The following GUCY2C variants were observed in gnomAD, a reference collection of about 807,000 sequenced individuals.
GUCY2C encodes the protein guanylate cyclase 2C.
In GUCY2C, 118 loss-of-function variants were observed where a neutral mutation model predicts 131.1. That is an observed-to-expected ratio of 0.90 (90% CI 0.78 to 1.05). The LOEUF is 1.05. Ranked by LOEUF, GUCY2C falls within the 50% of genes least tolerant of loss-of-function variation. GUCY2C has a pLI of 0.00. For missense variants in GUCY2C, 1,161 were observed against 1,304.4 expected (o/e 0.89, Z 1.69); for synonymous variants, 452 against 457.8 (o/e 0.99, Z 0.16).
At chr12:14,675,813 A>C (rs1948221343) in intron 7 of GUCY2C, among the ~76,000 whole-genome samples, 1 of 152,200 alleles carries the variant, frequency 6.6e-6, no homozygotes, top group Non-Finnish European at 1.5e-5. Flanking sequence ...AACCATGAAG[A>C]TGGTCAAGTA....
At chr12:14,656,845 C>A (rs938464467) in intron 11 of GUCY2C, among the ~76,000 whole-genome samples, 1 of 152,188 alleles carries the variant, frequency 6.6e-6, no homozygotes, top group Non-Finnish European at 1.5e-5. Context: ...ACGTTTTTGA[C>A]ACCACGGACT....
At chr12:14,649,668 T>C (rs1019597333) in intron 15 of GUCY2C, among the ~76,000 whole-genome samples, 3 of 152,318 alleles carry the variant, frequency 2.0e-5, no homozygotes, top group African/African-American at 7.2e-5. Flanking sequence ...AGCATTTTAA[T>C]GGATGATTAA....
At position 14,652,006 on chromosome 12, in the gene GUCY2C, G is replaced by C. The variant is rs1947669165; in HGVS notation, c.1558C>G (p.His520Asp). The change falls in exon 14 of 27, where the codon CAC becomes GAC. Residue 520 changes from histidine (H) to aspartate (D), a missense_variant. Coordinates refer to ENST00000261170, the MANE Select transcript of GUCY2C (RefSeq NM_004963.4). ...KKRVILKDLK[H>D]NDGNFTEKQK... ...TTTTCAGTGAAATTACCATCATTGT[G>C]CTTGAGATCTTTGAGAATCACTCGC... 1 of 1,602,162 alleles carries C rather than the reference G, an allele frequency of 6.2e-7. No individual in the cohort carries two copies. The highest frequency in any genetic ancestry group is 1.7e-5 in the Admixed American group (1 of 59,708).
intron 21 of GUCY2C, 40 bp from the exon 22 acceptor site, chr12:14,622,237 C>A: frequency 7.8e-7 from 1 of 1,281,552 alleles, no homozygotes; most frequent in South Asian, 1.6e-5. Flanking sequence ...TCAACTTCAG[C>A]AAATTTCTTC....
chr12:14,654,794 T>C (rs1245175058), intron 12 of GUCY2C, among the ~76,000 whole-genome samples: 1 of 152,102 alleles, frequency 6.6e-6, no homozygotes, highest in South Asian at 2.1e-4. Context: ...TGGGAGAAGA[T>C]GAGAGACAGA....
chr12:14,642,288 G>A (rs919036633), intron 17 of GUCY2C, among the ~76,000 whole-genome samples: 3 of 152,110 alleles, frequency 2.0e-5, no homozygotes, highest in Non-Finnish European at 2.9e-5. Flanking sequence ...ATAGATACTC[G>A]AGTTTTGAAT....
chr12:14,623,960 T>C (rs551818115), intron 21 of GUCY2C, among the ~76,000 whole-genome samples: 98 of 152,298 alleles, frequency 6.4e-4, no homozygotes, highest in Non-Finnish European at 1.1e-3. Context: ...CTCGGGTAGT[T>C]CTTTATAATA....
chr12:14,648,721 A>G (rs1947577993), intron 15 of GUCY2C, among the ~76,000 whole-genome samples: 1 of 152,044 alleles, frequency 6.6e-6, no homozygotes, highest in African/African-American at 2.4e-5. Flanking sequence ...GCCACTCTCT[A>G]TTTGTTATTT....
At chr12:14,690,603 G>A (rs1012113190) in intron 1 of GUCY2C, among the ~76,000 whole-genome samples, 5 of 151,696 alleles carry the variant, frequency 3.3e-5, no homozygotes, top group African/African-American at 1.2e-4. Context: ...GTGCAGTGGC[G>A]CGATCTCTGC....
chr12:14,639,945 T>G lies in GUCY2C; in HGVS notation c.2074A>C (p.Ile692Leu), dbSNP rs773416153. The G allele has an allele frequency of 1.9e-6, 3 of 1,595,542 alleles. No homozygotes were observed. In the Admixed American group the frequency reaches 5.0e-5, roughly 27 times the overall value. The change falls in exon 19 of 27, where the codon ATT becomes CTT. Residue 692 changes from isoleucine (I) to leucine (L), a missense_variant. Ile to Leu is a conservative substitution (Grantham distance 5). Transcript: ENST00000261170. ...CCATTGGAATTTTCCACTCTGAAAA[T>G]CTTCTCTGGTTGGGTGAGAAAAATA... ...TLSCRDRNEK[I>L]FRVENSNGMK... is the part of the protein sequence containing the mutation.
At chr12:14,671,446 C>T (rs1024667416) in intron 9 of GUCY2C, among the ~76,000 whole-genome samples, 2 of 152,076 alleles carry the variant, frequency 1.3e-5, no homozygotes, top group Non-Finnish European at 2.9e-5. Context: ...CCCAATGTTA[C>T]ATTTTCATAA....
At chr12:14,673,495 A>G (rs1948158318) in intron 8 of GUCY2C, among the ~76,000 whole-genome samples, 1 of 152,254 alleles carries the variant, frequency 6.6e-6, no homozygotes, top group Non-Finnish European at 1.5e-5. Flanking sequence ...TTTCGACATA[A>G]CAATGAACAT....
intron 24 of GUCY2C, among the ~76,000 whole-genome samples, chr12:14,617,608 A>G (rs1007891601): frequency 6.6e-6 from 1 of 152,168 alleles, no homozygotes; most frequent in African/African-American, 2.4e-5. Flanking sequence ...CCTTTGACAA[A>G]AGAAGTGGTG....
At chr12:14,662,231 A>G (rs561175552) in intron 10 of GUCY2C, among the ~76,000 whole-genome samples, 1 of 152,298 alleles carries the variant, frequency 6.6e-6, no homozygotes, top group Non-Finnish European at 1.5e-5. Context: ...AGAGAAATCC[A>G]ATCAGGAATT....
Position 14,688,033 on chromosome 12 carries a change from A to G in GUCY2C, c.248T>C (p.Met83Thr), listed in dbSNP as rs753617861. The change falls in exon 2 of 27, where the codon ATG becomes ACG. Residue 83 changes from methionine (M) to threonine (T), a missense_variant. Transcript: ENST00000261170. ...GTTATGAATCAGACCATCCGAATACATGAAAGTAGCGTTCACAGTCACATT... is the reference window on the plus strand; with the variant it reads ...GTTATGAATCAGACCATCCGAATACGTGAAAGTAGCGTTCACAGTCACATT... Reference protein sequence around the residue: ...GLNVTVNATFMYSDGLIHNSG... With the variant: ...GLNVTVNATFTYSDGLIHNSG... The G allele has an allele frequency of 1.1e-5, 18 of 1,613,602 alleles. No individual in the cohort carries two copies. The highest frequency in any genetic ancestry group is 1.0e-4 in the Admixed American group (6 of 60,008).
chr12:14,677,737 T>TA (rs1161115555), intron 6 of GUCY2C, among the ~76,000 whole-genome samples: 3 of 746 alleles, frequency 4.0e-3, no homozygotes. Flanking sequence ...CGCCCAGCTA[T>TA]TTTTTTTTTT....
At chr12:14,694,397 C>A (rs1480588273) in intron 1 of GUCY2C, among the ~76,000 whole-genome samples, 1 of 152,190 alleles carries the variant, frequency 6.6e-6, no homozygotes, top group East Asian at 1.9e-4. Flanking sequence ...CCATGCTAAC[C>A]TCACAGAGCT....
chr12:14,671,640 A>T (rs1948112651), intron 9 of GUCY2C, among the ~76,000 whole-genome samples: 1 of 152,190 alleles, frequency 6.6e-6, no homozygotes, highest in African/African-American at 2.4e-5. Context: ...ATTCACCCGA[A>T]TTTGCTTATA....
chr12:14,652,074 C>A, intron 13 of GUCY2C, 44 bp from the exon 14 acceptor site: 1 of 1,051,840 alleles, frequency 9.5e-7, no homozygotes, highest in East Asian at 2.4e-5. Flanking sequence ...TGTGGTGTAA[C>A]TCTTTACATG....
Sources: allele counts gnomAD v4.1 joint callset (sites outside exome capture counted in the v4.1 genomes callset), GRCh38; gene constraint gnomAD v4.1.1; transcripts MANE v1.5; gene names NCBI Gene and HGNC (gene_info 2026-07-23, HGNC 2026-07-21).